PRR16: variants seen among roughly 807,000 people sequenced by gnomAD.
PRR16 encodes the protein proline rich 16, also known as protein Largen.
A neutral mutation model predicts 18.2 loss-of-function variants in PRR16; 6 were observed. That is an observed-to-expected ratio of 0.33 (90% CI 0.18 to 0.65). The LOEUF (loss-of-function observed/expected upper bound fraction) is 0.65. Among genes scored for constraint, PRR16 ranks in the 30% least tolerant of loss-of-function variants. The pLI, the probability that PRR16 is intolerant of heterozygous loss-of-function variation, is 0.74. For missense variants in PRR16, 412 were observed against 376.6 expected (o/e 1.09, Z -0.78); for synonymous variants, 151 against 147.8 (o/e 1.02, Z -0.16).
chr5:120,632,251 G>A (rs987706462), intron 1 of PRR16, among the ~76,000 whole-genome samples: 3 of 152,078 alleles, frequency 2.0e-5, no homozygotes, highest in South Asian at 2.1e-4. Context: ...CAGATCTTCT[G>A]TCTGACATAA....
chr5:120,547,712 A>T (rs997330661), intron 1 of PRR16, among the ~76,000 whole-genome samples: 2 of 152,090 alleles, frequency 1.3e-5, no homozygotes, highest in African/African-American at 4.8e-5. Flanking sequence ...TTATTTGAAA[A>T]TACTTAAAAA....
intron 1 of PRR16, among the ~76,000 whole-genome samples, chr5:120,482,922 G>A (rs762536951): frequency 6.6e-6 from 1 of 152,118 alleles, no homozygotes; most frequent in Non-Finnish European, 1.5e-5. Flanking sequence ...TTCAGTGTCT[G>A]AACAACTGTA....
chr5:120,671,457 A>T (rs1483227920), intron 1 of PRR16, among the ~76,000 whole-genome samples: 1 of 152,130 alleles, frequency 6.6e-6, no homozygotes, highest in East Asian at 1.9e-4. Context: ...CTTGGAATTC[A>T]TGATAAATGC....
chr5:120,775,318 G>C, the PRR16 span, among the ~76,000 whole-genome samples: 6 of 151,970 alleles, frequency 3.9e-5, no homozygotes, highest in African/African-American at 1.2e-4. Context: ...TTAGGAAATG[G>C]CATTACTATC....
chr5:120,752,321 G>A, the PRR16 span, among the ~76,000 whole-genome samples: 2 of 152,060 alleles, frequency 1.3e-5, no homozygotes, highest in African/African-American at 4.8e-5. Context: ...ATGGGTTACA[G>A]AATAGATAAC....
At chr5:120,651,180 G>T (rs1461273804) in intron 1 of PRR16, among the ~76,000 whole-genome samples, 543 of 151,406 alleles carry the variant, frequency 3.6e-3, no homozygotes, top group African/African-American at 0.012. Flanking sequence ...GGGTTGTTTG[G>T]TTTTTTCTTG....
chr5:120,788,779 G>A, the PRR16 span, among the ~76,000 whole-genome samples: 3 of 151,974 alleles, frequency 2.0e-5, no homozygotes, highest in Admixed American at 2.0e-4. Context: ...GTAAGCCCTC[G>A]AGTCTCACTG....
chr5:120,709,245 G>C, the PRR16 span, among the ~76,000 whole-genome samples: 2 of 151,962 alleles, frequency 1.3e-5, no homozygotes, highest in Non-Finnish European at 2.9e-5. Context: ...CTGACCTCGT[G>C]ATCTGCCCGC....
intron 1 of PRR16, among the ~76,000 whole-genome samples, chr5:120,541,788 T>C (rs1488628593): frequency 6.6e-6 from 1 of 152,184 alleles, no homozygotes; most frequent in African/African-American, 2.4e-5. Context: ...TCATACAACT[T>C]TCAGGGCTTA....
At chr5:120,715,622 T>C in the PRR16 span, among the ~76,000 whole-genome samples, 11 of 152,226 alleles carry the variant, frequency 7.2e-5, no homozygotes, top group Non-Finnish European at 1.2e-4. Flanking sequence ...TACCAAATTA[T>C]TTTGCCCTAT....
intron 1 of PRR16, among the ~76,000 whole-genome samples, chr5:120,636,365 G>A (rs181289033): frequency 9.3e-4 from 142 of 152,190 alleles, no homozygotes; most frequent in African/African-American, 3.3e-3. Flanking sequence ...CACATTACCC[G>A]ACTTCAAACT....
chr5:120,519,980 T>A (rs953581971), intron 1 of PRR16, among the ~76,000 whole-genome samples: 2 of 152,172 alleles, frequency 1.3e-5, no homozygotes, highest in Admixed American at 6.5e-5. Flanking sequence ...ACTCATTTCT[T>A]CAGTAGTTTT....
intron 1 of PRR16, among the ~76,000 whole-genome samples, chr5:120,556,708 A>G (rs142312293): frequency 1.4e-4 from 22 of 152,014 alleles, no homozygotes; most frequent in African/African-American, 5.1e-4. Context: ...GATAAATTAT[A>G]AAAACCCTCT....
At chr5:120,700,240 G>A in the PRR16 span, among the ~76,000 whole-genome samples, 4 of 152,144 alleles carry the variant, frequency 2.6e-5, no homozygotes, top group African/African-American at 9.7e-5. Context: ...TGGGGGCATT[G>A]TCAGGAGAGT....
intron 1 of PRR16, among the ~76,000 whole-genome samples, chr5:120,468,738 CTG>C (rs1343079354): frequency 6.6e-6 from 1 of 152,176 alleles, no homozygotes. Context: ...ACACTGGAAT[CTG>C]TAATAATCAG....
intron 1 of PRR16, among the ~76,000 whole-genome samples, chr5:120,607,532 A>G (rs1186200133): frequency 2.0e-5 from 3 of 152,168 alleles, no homozygotes; most frequent in African/African-American, 7.2e-5. Flanking sequence ...TGCTGTGAAT[A>G]TGGATGCTGC....
chr5:120,778,415 A>T, the PRR16 span, among the ~76,000 whole-genome samples: 1 of 152,174 alleles, frequency 6.6e-6, no homozygotes, highest in Non-Finnish European at 1.5e-5. Context: ...ATGTTTGCCT[A>T]AAGAGAAAAA....
At chr5:120,585,113 C>G (rs1753397106) in intron 1 of PRR16, among the ~76,000 whole-genome samples, 1 of 152,184 alleles carries the variant, frequency 6.6e-6, no homozygotes, top group African/African-American at 2.4e-5. Context: ...AATTAATGGA[C>G]TTTGAATTGT....
chr5:120,546,302 A>G (rs533448850), intron 1 of PRR16, among the ~76,000 whole-genome samples: 81 of 152,246 alleles, frequency 5.3e-4, no homozygotes, highest in African/African-American at 1.9e-3. Context: ...AATGGTAATG[A>G]TGTACCTGGT....
Sources: allele counts gnomAD v4.1 joint callset (sites outside exome capture counted in the v4.1 genomes callset), GRCh38; gene constraint gnomAD v4.1.1; transcripts MANE v1.5; gene names NCBI Gene and HGNC (gene_info 2026-07-23, HGNC 2026-07-21).